The following ANK3 variants were observed in gnomAD, a reference collection of about 807,000 sequenced individuals.
The protein encoded by ANK3 is ankyrin 3, also known as ankyrin-3.
In ANK3, 57 loss-of-function variants were observed where a neutral mutation model predicts 370.9. That is an observed-to-expected ratio of 0.15 (90% confidence interval 0.12 to 0.19). The LOEUF (loss-of-function observed/expected upper bound fraction) is 0.19. ANK3 is among the 10% of genes least tolerant of loss of function. The pLI is 1.00. For missense variants in ANK3, 4,439 were observed against 5,302.1 expected, an observed-to-expected ratio of 0.84 and a Z score of 5.06; for synonymous variants, 1,929 against 1,946.3, an observed-to-expected ratio of 0.99 and a Z score of 0.23.
intron 28 of ANK3, among the ~76,000 whole-genome samples, chr10:60,094,411 C>A (rs1268681857): frequency 6.6e-6 from 1 of 152,040 alleles, no homozygotes; most frequent in Non-Finnish European, 1.5e-5. Flanking sequence ...TGGTATTGAA[C>A]TCCTGAGCTC....
rs770393510 is a variant in ANK3, at chr10:60,134,309, T to A, written c.2803A>T (p.Met935Leu). 6.2e-7 allele frequency: 1 copy of A among 1,614,030 alleles called. No homozygotes were observed. The highest frequency in any genetic ancestry group is 1.1e-5 in the South Asian group (1 of 91,080). ...GGCACAAGGAGTTCTTCAATCATCA[T>A]GCTGTCCCGTGCATAGGAGCTTCTG... is the stretch of plus-strand genomic sequence containing the variant. ...LNRSSYARDS[M>L]MIEELLVPSK... The change falls in exon 25 of 44, where the codon ATG becomes TTG. Residue 935 changes from methionine to leucine, a missense_variant. Met to Leu is a conservative substitution (Grantham distance 15). Coordinates refer to ENST00000280772, the MANE Select transcript of ANK3 (RefSeq NM_020987.5).
chr10:60,339,053 T>C (rs1052464392), intron 1 of ANK3, among the ~76,000 whole-genome samples: 2 of 152,192 alleles, frequency 1.3e-5, no homozygotes, highest in African/African-American at 4.8e-5. Flanking sequence ...GAATGTGTGC[T>C]TGTTTCTTTT....
At chr10:60,425,267 T>C (rs1355144331) in intron 2 of ANK3, among the ~76,000 whole-genome samples, 2 of 152,022 alleles carry the variant, frequency 1.3e-5, no homozygotes, top group Non-Finnish European at 2.9e-5. Context: ...TTTAGACCAA[T>C]AATTTTGGCA....
chr10:60,369,097 T>A (rs1566887462), intron 1 of ANK3, among the ~76,000 whole-genome samples: 1 of 151,396 alleles, frequency 6.6e-6, no homozygotes, highest in African/African-American at 2.4e-5. Flanking sequence ...TACTTCGGTT[T>A]AAAAAAAAAC....
At chr10:60,367,003 T>C (rs2059470819) in intron 1 of ANK3, among the ~76,000 whole-genome samples, 1 of 152,186 alleles carries the variant, frequency 6.6e-6, no homozygotes, top group Admixed American at 6.5e-5. Context: ...TATTTTACTC[T>C]CCAAGGAGAG....
chr10:60,054,902 A>G (rs1425725732), intron 42 of ANK3, among the ~76,000 whole-genome samples: 1 of 152,194 alleles, frequency 6.6e-6, no homozygotes, highest in East Asian at 1.9e-4. Context: ...ATTTTCTTAT[A>G]TCCACGTATG....
rs187005430 is a variant in ANK3, at chr10:60,245,065, A to T, written c.799-10279T>A. The stretch of plus-strand genomic sequence containing the variant: ...GCACCTGTAGTCCCAGCTACTTGGG[A>T]GGTTGAGGCAGGAGAATGGCGTGAA... On this transcript the variant is annotated intron_variant, in intron 7 of 43. Coordinates refer to ENST00000280772, the MANE Select transcript of ANK3 (RefSeq NM_020987.5). Among the ~76,000 whole-genome samples, 352 of 152,112 alleles carry T rather than the reference A, an allele frequency of 2.3e-3. 2 individuals are homozygous for T. Among genetic ancestry groups the T allele is most frequent in the African/African-American group, 7.8e-3 (323 of 41,512 alleles).
intron 7 of ANK3, among the ~76,000 whole-genome samples, chr10:60,237,730 A>C (rs916265193): frequency 6.6e-6 from 1 of 151,916 alleles, no homozygotes; most frequent in South Asian, 2.1e-4. Flanking sequence ...TAATTCTCAC[A>C]TTTTCTCCAC....
chr10:60,398,761 A>C (rs1048497820), intron 2 of ANK3, among the ~76,000 whole-genome samples: 18 of 152,154 alleles, frequency 1.2e-4, no homozygotes, highest in African/African-American at 4.3e-4. Flanking sequence ...TAAGAAAACA[A>C]TTTTAAGTAG....
rs1464676378 is a variant in ANK3, at chr10:60,144,275, A to T, written c.2615-5188T>A. 7.6e-6 allele frequency: 3 copies of T among 396,198 alleles called. No homozygotes were observed. In the Admixed American group the frequency reaches 9.6e-5, roughly 13 times the overall value. The allele number at this position is 396,198 out of a possible 1,614,324, so 24.5% of individuals were successfully genotyped here. ...TCCAAAGGTAAACCAAAGAGGTCAC[A>T]CTCTGGTTGCCTAATGTATCACTAA... is the stretch of plus-strand genomic sequence containing the variant. On this transcript the variant is annotated intron_variant, in intron 23 of 43. Transcript: ENST00000280772.
chr10:60,306,386 T>C (rs2045088589), intron 1 of ANK3, among the ~76,000 whole-genome samples: 1 of 151,778 alleles, frequency 6.6e-6, no homozygotes, highest in Admixed American at 6.6e-5. Context: ...AGACATCATT[T>C]CACTTCTTTT....
intron 1 of ANK3, among the ~76,000 whole-genome samples, chr10:60,715,420 A>G: frequency 6.6e-6 from 1 of 152,152 alleles, no homozygotes; most frequent in East Asian, 1.9e-4. Context: ...GACACACATA[A>G]TATCTGGTGG....
intron 1 of ANK3, among the ~76,000 whole-genome samples, chr10:60,721,711 T>G (rs1227495481): frequency 6.6e-6 from 1 of 152,198 alleles, no homozygotes; most frequent in East Asian, 1.9e-4. Flanking sequence ...AGATAAAAGC[T>G]GCTTCAAGAA....
chr10:60,191,540 A>C (rs2096482185), intron 16 of ANK3, among the ~76,000 whole-genome samples: 1 of 152,224 alleles, frequency 6.6e-6, no homozygotes, highest in African/African-American at 2.4e-5. Context: ...ACCATCTCAC[A>C]CCAATCCAAA....
intron 2 of ANK3, among the ~76,000 whole-genome samples, chr10:60,451,809 G>A (rs2133040708): frequency 6.6e-6 from 1 of 152,256 alleles, no homozygotes; most frequent in Non-Finnish European, 1.5e-5. Context: ...CTACCCTTAG[G>A]CCTAGCCTGA....
At chr10:60,253,783 A>C (rs2132614742) in intron 7 of ANK3, among the ~76,000 whole-genome samples, 1 of 152,320 alleles carries the variant, frequency 6.6e-6, no homozygotes, top group Non-Finnish European at 1.5e-5. Flanking sequence ...AAAGAAAAGA[A>C]GTCTTTGTCT....
chr10:60,209,965 C>T (rs138310464), intron 9 of ANK3, among the ~76,000 whole-genome samples: 186 of 151,994 alleles, frequency 1.2e-3, no homozygotes, highest in African/African-American at 4.3e-3. Context: ...GATCATCTGC[C>T]CTATGGAAAG....
At chr10:60,443,507 T>C (rs114450757) in intron 2 of ANK3, among the ~76,000 whole-genome samples, 3,121 of 152,252 alleles carry the variant, frequency 0.02, 123 homozygotes, top group African/African-American at 0.071. Context: ...ATTTCTGAAG[T>C]GGCCCAATCG....
chr10:60,147,160 C>T (rs2094868359), intron 23 of ANK3, among the ~76,000 whole-genome samples: 2 of 152,186 alleles, frequency 1.3e-5, no homozygotes, highest in African/African-American at 4.8e-5. Context: ...CCATCTGCTT[C>T]AGGAGGTTCC....
Sources: gnomAD v4.1 joint callset for allele counts (sites outside exome capture counted in the v4.1 genomes callset) on GRCh38, gnomAD v4.1.1 for gene constraint, MANE v1.5 for transcripts, NCBI Gene and HGNC (gene_info 2026-07-23, HGNC 2026-07-21) for gene names.